CAMKMT: variants seen among roughly 807,000 people sequenced by gnomAD.
CAMKMT encodes calmodulin-lysine N-methyltransferase.
Under a neutral mutation model 48.0 loss-of-function variants are expected in CAMKMT, and 53 were observed. The ratio of observed to expected loss-of-function variants is 1.10; its 90% confidence interval spans 0.89 to 1.39. The LOEUF (loss-of-function observed/expected upper bound fraction) is 1.39. CAMKMT is among the 40% of genes most tolerant of loss of function. The pLI is 0.00. For missense variants in CAMKMT, 428 were observed against 402.7 expected, an observed-to-expected ratio of 1.06 and a Z score of -0.54; for synonymous variants, 165 against 152.3, an observed-to-expected ratio of 1.08 and a Z score of -0.61.
chr2:44,689,384 C>T (rs778201703), intron 3 of CAMKMT, among the ~76,000 whole-genome samples: 2 of 151,292 alleles, frequency 1.3e-5, no homozygotes, highest in Non-Finnish European at 2.9e-5. Flanking sequence ...CTGCAACCTC[C>T]GCCTCCCCGG....
chr2:44,594,677 A>G (rs1670543339), intron 3 of CAMKMT, among the ~76,000 whole-genome samples: 1 of 152,214 alleles, frequency 6.6e-6, no homozygotes, highest in Admixed American at 6.5e-5. Context: ...TGGATTAAAG[A>G]CTTAAATGTA....
intron 2 of CAMKMT, among the ~76,000 whole-genome samples, chr2:44,380,793 A>C (rs745980564): frequency 1.3e-5 from 2 of 152,188 alleles, no homozygotes; most frequent in Non-Finnish European, 2.9e-5. Flanking sequence ...TTAGAGGTAT[A>C]GGATGAGGTT....
At chr2:44,426,644 A>G (rs1427025268) in intron 3 of CAMKMT, among the ~76,000 whole-genome samples, 1 of 152,198 alleles carries the variant, frequency 6.6e-6, no homozygotes, top group Non-Finnish European at 1.5e-5. Context: ...TATGAGGAGA[A>G]CTTAAAACAC....
At chr2:44,553,162 C>T (rs1329460344) in intron 3 of CAMKMT, among the ~76,000 whole-genome samples, 2 of 152,116 alleles carry the variant, frequency 1.3e-5, no homozygotes, top group Non-Finnish European at 2.9e-5. Context: ...ATTTAAGTAC[C>T]TGTAATTGAC....
At position 44,462,691 on chromosome 2, in the gene CAMKMT, G is replaced by A. The variant is rs148395244; in HGVS notation, c.376+72386G>A. 2.6e-5 allele frequency among the ~76,000 whole-genome samples: 4 copies of A among 152,054 alleles called. No individual in the cohort carries two copies. The East Asian group carries it at 5.8e-4, about 22-fold the overall frequency. On this transcript the variant is annotated intron_variant, in intron 3 of 10. Coordinates refer to ENST00000378494, the MANE Select transcript of CAMKMT (RefSeq NM_024766.5). Reference sequence around the variant, plus strand: ...TATACAAAAATGTGCTGAAGTCCTTGCGTTCATTGCTTAGGGAGTATCTGT... The same window carrying A: ...TATACAAAAATGTGCTGAAGTCCTTACGTTCATTGCTTAGGGAGTATCTGT...
intron 3 of CAMKMT, among the ~76,000 whole-genome samples, chr2:44,486,165 C>T (rs919360809): frequency 6.6e-6 from 1 of 152,106 alleles, no homozygotes. Flanking sequence ...CGGAGTTTCA[C>T]CATGTTGGCC....
intron 3 of CAMKMT, among the ~76,000 whole-genome samples, chr2:44,436,224 C>T (rs549884341): frequency 6.6e-6 from 1 of 152,174 alleles, no homozygotes; most frequent in African/African-American, 2.4e-5. Context: ...TACGGATGTG[C>T]GCCACCATGC....
At chr2:44,638,931 C>G (rs998948712) in intron 3 of CAMKMT, among the ~76,000 whole-genome samples, 1 of 152,212 alleles carries the variant, frequency 6.6e-6, no homozygotes, top group Non-Finnish European at 1.5e-5. Flanking sequence ...ACTAAGCCTT[C>G]AAGTGGGGAA....
At chr2:44,711,785 G>GT (rs1043255644) in intron 6 of CAMKMT, among the ~76,000 whole-genome samples, 22 of 152,276 alleles carry the variant, frequency 1.4e-4, no homozygotes, top group Admixed American at 7.8e-4. Flanking sequence ...CCCATCACAC[G>GT]TGATACTCCA....
intron 3 of CAMKMT, among the ~76,000 whole-genome samples, chr2:44,547,694 A>G (rs1667480655): frequency 6.6e-6 from 1 of 151,846 alleles, no homozygotes; most frequent in South Asian, 2.1e-4. Context: ...TCTCTGTACT[A>G]TCATTTCCTC....
chr2:44,740,118 T>A lies in CAMKMT; in HGVS notation c.624-3504T>A, dbSNP rs532183220. ...GAGTTTATGGAAGTTCTTAACTGAT[T>A]GCTGCATTTTTTTTTTTTTTTTTTT... is the stretch of plus-strand genomic sequence containing the variant. On this transcript the variant is annotated intron_variant, in intron 7 of 10. Coordinates refer to ENST00000378494, the MANE Select transcript of CAMKMT (RefSeq NM_024766.5). 2.0e-5 allele frequency among the ~76,000 whole-genome samples: 3 copies of A among 147,472 alleles called. No individual in the cohort carries two copies. In the East Asian group the frequency reaches 6.0e-4, roughly 29 times the overall value.
At chr2:44,731,574 A>C (rs1178417941) in intron 7 of CAMKMT, among the ~76,000 whole-genome samples, 3 of 152,216 alleles carry the variant, frequency 2.0e-5, no homozygotes, top group Non-Finnish European at 2.9e-5. Context: ...AAATTCTTTC[A>C]GTGTGAGTTT....
intron 3 of CAMKMT, among the ~76,000 whole-genome samples, chr2:44,673,307 G>A (rs1347476100): frequency 6.6e-6 from 1 of 151,594 alleles, no homozygotes; most frequent in Non-Finnish European, 1.5e-5. Context: ...TGTACCTGTG[G>A]GTCCAGCTAC....
At chr2:44,547,099 A>G (rs956852961) in intron 3 of CAMKMT, among the ~76,000 whole-genome samples, 1 of 152,198 alleles carries the variant, frequency 6.6e-6, no homozygotes, top group Admixed American at 6.5e-5. Flanking sequence ...GCAGAAAAAT[A>G]TCAAGCTTAG....
At chr2:44,454,919 C>T (rs534814303) in intron 3 of CAMKMT, among the ~76,000 whole-genome samples, 5 of 152,062 alleles carry the variant, frequency 3.3e-5, no homozygotes, top group Admixed American at 6.6e-5. Flanking sequence ...AGCAACAGTA[C>T]CATCAGTTTG....
intron 3 of CAMKMT, among the ~76,000 whole-genome samples, chr2:44,570,794 T>C (rs1357623441): frequency 6.6e-6 from 1 of 152,240 alleles, no homozygotes; most frequent in Admixed American, 6.5e-5. Flanking sequence ...TACTTCATAA[T>C]GTGGTTACAT....
chr2:44,646,526 A>G (rs944921370), intron 3 of CAMKMT, among the ~76,000 whole-genome samples: 2 of 152,154 alleles, frequency 1.3e-5, no homozygotes, highest in African/African-American at 4.8e-5. Flanking sequence ...GATTATTTCA[A>G]ATCTTCACTG....
intron 3 of CAMKMT, among the ~76,000 whole-genome samples, chr2:44,474,378 TG>T (rs1223900336): frequency 7.0e-6 from 1 of 143,706 alleles, no homozygotes; most frequent in African/African-American, 2.6e-5. Context: ...ACCCAGGAGA[TG>T]GAGGTTGCAG....
intron 7 of CAMKMT, among the ~76,000 whole-genome samples, chr2:44,733,499 C>T (rs895733799): frequency 5.9e-5 from 9 of 152,106 alleles, no homozygotes; most frequent in African/African-American, 1.7e-4. Context: ...TGAAAGAAAA[C>T]ATACTTTTCT....
Sources: gnomAD v4.1 joint callset for allele counts (sites outside exome capture counted in the v4.1 genomes callset) on GRCh38, gnomAD v4.1.1 for gene constraint, MANE v1.5 for transcripts, NCBI Gene and HGNC (gene_info 2026-07-23, HGNC 2026-07-21) for gene names.